Variants in PRKAG2 observed in about 807,000 individuals in gnomAD.
The protein encoded by PRKAG2 is 5'-AMP-activated protein kinase subunit gamma-2.
PRKAG2 carries 26 observed loss-of-function variants against 69.6 expected under a neutral mutation model. The observed-to-expected ratio is 0.37, with a 90% CI of 0.27 to 0.52. The LOEUF (loss-of-function observed/expected upper bound fraction) is 0.52, where lower values mean the gene tolerates loss of function less well. PRKAG2 is among the 20% of genes least tolerant of loss of function. PRKAG2 has a pLI of 0.90. For synonymous variants in PRKAG2, 293 were observed against 285.0 expected (o/e 1.03, Z -0.28); for missense variants, 557 against 740.0 (o/e 0.75, Z 2.87).
At chr7:151,675,315 C>G (rs777906839) in intron 4 of PRKAG2, 105 bp downstream of exon 4, 1 of 1,136,124 alleles carries the variant, frequency 8.8e-7, no homozygotes, top group Admixed American at 2.0e-5. Flanking sequence ...CGGGAGCACA[C>G]GACCTCAGCC....
At chr7:151,592,289 C>T (rs576086306) in intron 6 of PRKAG2, among the ~76,000 whole-genome samples, 1 of 152,354 alleles carries the variant, frequency 6.6e-6, no homozygotes, top group Non-Finnish European at 1.5e-5. Context: ...CCCCAGCAGG[C>T]AGACCTCCCA....
At chr7:151,652,267 A>G (rs1471782796) in intron 4 of PRKAG2, among the ~76,000 whole-genome samples, 2 of 152,232 alleles carry the variant, frequency 1.3e-5, no homozygotes, top group Middle Eastern at 3.2e-3. Flanking sequence ...CCAACCGCCT[A>G]TCTGTCTGAG....
intron 1 of PRKAG2, among the ~76,000 whole-genome samples, chr7:151,874,209 A>G (rs964150602): frequency 7.4e-6 from 1 of 135,132 alleles, no homozygotes; most frequent in Non-Finnish European, 1.5e-5. Context: ...ATGTATATGT[A>G]TATGTATATG....
chr7:151,869,835 AC>A lies in PRKAG2; in HGVS notation c.114+6671del, dbSNP rs1273989779. ...CCTGGAGCCACAGGCCAGTCTGAGG[AC>A]CCCATCACCAAGAAGCTTGACTACT... On this transcript the variant is annotated intron_variant, in intron 1 of 15. Coordinates refer to ENST00000287878, the MANE Select transcript of PRKAG2 (RefSeq NM_016203.4). Among the ~76,000 whole-genome samples the A allele has an allele frequency of 2.0e-5, 3 of 152,238 alleles. No individual in the cohort carries two copies. In the East Asian group the frequency reaches 5.8e-4, roughly 29 times the overall value.
Position 151,689,768 on chromosome 7 carries a change from G to A in PRKAG2, c.467-14131C>T, listed in dbSNP as rs190813088. On this transcript the variant is annotated intron_variant, in intron 3 of 15. Coordinates refer to ENST00000287878, the MANE Select transcript of PRKAG2 (RefSeq NM_016203.4). ...TCAACACATCATCTGACGCCACCCCGGCAGGCCCTCTGGGTGTCAGGTGCC... is the reference window on the plus strand; with the variant it reads ...TCAACACATCATCTGACGCCACCCCAGCAGGCCCTCTGGGTGTCAGGTGCC... 3.2e-3 allele frequency among the ~76,000 whole-genome samples: 483 copies of A among 152,262 alleles called. 2 individuals are homozygous for A. The highest frequency in any genetic ancestry group is 0.01 in the African/African-American group (435 of 41,566).
chr7:151,768,793 C>T (rs1200849954), intron 3 of PRKAG2, among the ~76,000 whole-genome samples: 1 of 152,154 alleles, frequency 6.6e-6, no homozygotes, highest in African/African-American at 2.4e-5. Context: ...CCAAACAGAC[C>T]AAGAAGGCTG....
At chr7:151,650,596 G>A (rs903276893) in intron 4 of PRKAG2, among the ~76,000 whole-genome samples, 1 of 152,140 alleles carries the variant, frequency 6.6e-6, no homozygotes, top group South Asian at 2.1e-4. Context: ...ACCTTTTCAG[G>A]GAGTCTACAG....
chr7:151,622,045 G>T (rs531102211), intron 5 of PRKAG2, among the ~76,000 whole-genome samples: 64 of 152,294 alleles, frequency 4.2e-4, no homozygotes, highest in Non-Finnish European at 8.4e-4. Context: ...TATTAAGCAT[G>T]ACTACCTTTG....
At chr7:151,759,247 T>C (rs1246059089) in intron 3 of PRKAG2, among the ~76,000 whole-genome samples, 1 of 152,158 alleles carries the variant, frequency 6.6e-6, no homozygotes, top group Non-Finnish European at 1.5e-5. Context: ...GGCCTCCACC[T>C]GTCCTCTCCC....
chr7:151,684,359 C>T (rs961502389), intron 3 of PRKAG2, among the ~76,000 whole-genome samples: 4 of 152,200 alleles, frequency 2.6e-5, no homozygotes, highest in African/African-American at 4.8e-5. Flanking sequence ...TGGCCAGCAC[C>T]GTGGAAGCAG....
rs560080587 is a variant in PRKAG2 at position 151,605,936 on chromosome 7, C to CAAAAAAA, written c.755-10489_755-10483dup. On this transcript the variant is annotated intron_variant, in intron 5 of 15. Coordinates refer to ENST00000287878, the MANE Select transcript of PRKAG2 (RefSeq NM_016203.4). ...CTGGCGACAGAGCGAGACTCCGTCT[C>CAAAAAAA]AAAAAAAAAAAAAAAAAAAAGAATT... Among the ~76,000 whole-genome samples, 18 of 91,044 alleles carry CAAAAAAA rather than the reference C, an allele frequency of 2.0e-4. 2 individuals are homozygous for CAAAAAAA. The highest frequency in any genetic ancestry group is 6.2e-4 in the African/African-American group (16 of 25,878). The allele number at this position is 91,044 out of a possible 152,430, so 59.7% of individuals were successfully genotyped here. A position where few individuals can be genotyped will look rare whatever the true frequency, so the allele number is the denominator to read the frequency against.
intron 5 of PRKAG2, among the ~76,000 whole-genome samples, chr7:151,617,631 T>C (rs1820499571): frequency 6.6e-6 from 1 of 152,176 alleles, no homozygotes; most frequent in Non-Finnish European, 1.5e-5. Context: ...TTTTTTAAAA[T>C]AATCATGTTA....
chr7:151,617,151 T>C (rs1434643072), intron 5 of PRKAG2, among the ~76,000 whole-genome samples: 2 of 150,714 alleles, frequency 1.3e-5, no homozygotes, highest in Admixed American at 6.6e-5. Flanking sequence ...ATCCAAGCTA[T>C]TTGGGGAGGC....
chr7:151,644,089 G>A (rs571143579), intron 4 of PRKAG2, among the ~76,000 whole-genome samples: 5 of 152,268 alleles, frequency 3.3e-5, no homozygotes, highest in East Asian at 3.9e-4. Context: ...AGGGAAGAGC[G>A]GAAGCGGGGC....
intron 1 of PRKAG2, among the ~76,000 whole-genome samples, chr7:151,826,392 A>T (rs1350227160): frequency 6.6e-6 from 1 of 152,140 alleles, no homozygotes; most frequent in African/African-American, 2.4e-5. Context: ...CTTGTTGGAC[A>T]GGCTGGTCTC....
rs1798487116 is a variant in PRKAG2, at chr7:151,729,119, G to C, written c.466+52033C>G. 1.5e-4 allele frequency among the ~76,000 whole-genome samples: 23 copies of C among 150,402 alleles called. No homozygotes were observed. In the South Asian group the frequency reaches 4.9e-3, roughly 32 times the overall value. Reference sequence around the variant, plus strand: ...GGTGACAGTGACGTAGGGAGAACAGGCAGATGGGTTATGAGCTTTTCCAGG... The same window carrying C: ...GGTGACAGTGACGTAGGGAGAACAGCCAGATGGGTTATGAGCTTTTCCAGG... On this transcript the variant is annotated intron_variant, in intron 3 of 15. Coordinates refer to ENST00000287878, the MANE Select transcript of PRKAG2 (RefSeq NM_016203.4).
At chr7:151,570,361 C>A (rs1355862520) in intron 9 of PRKAG2, 136 bp from the exon 10 acceptor site, 22 of 950,052 alleles carry the variant, frequency 2.3e-5, no homozygotes, top group Non-Finnish European at 3.2e-5. Flanking sequence ...ATTTAATTTG[C>A]CTAAAACTCC....
At chr7:151,557,988 GCTA>G in intron 15 of PRKAG2, 1 of 984,650 alleles carries the variant, frequency 1.0e-6, no homozygotes. Flanking sequence ...GGCAGGGAGA[GCTA>G]CTATTTTTCT....
chr7:151,772,711 G>A (rs2076077036), intron 3 of PRKAG2, among the ~76,000 whole-genome samples: 1 of 152,006 alleles, frequency 6.6e-6, no homozygotes, highest in Admixed American at 6.6e-5. Flanking sequence ...CAAGAGCCAG[G>A]TGTGGTGGTT....
Sources: allele counts gnomAD v4.1 joint callset (sites outside exome capture counted in the v4.1 genomes callset), GRCh38; gene constraint gnomAD v4.1.1; transcripts MANE v1.5; gene names NCBI Gene and HGNC (gene_info 2026-07-23, HGNC 2026-07-21).